The following KLHL1 variants were observed in gnomAD, a reference collection of about 807,000 sequenced individuals.
KLHL1 encodes the protein kelch like family member 1.
KLHL1 carries 47 observed loss-of-function variants against 77.7 expected under a neutral mutation model. That is an observed-to-expected ratio of 0.60 (90% CI 0.48 to 0.77). KLHL1 has a LOEUF of 0.77. KLHL1 is among the 30% of genes least tolerant of loss of function. KLHL1 has a pLI of 0.00. For missense variants in KLHL1, 925 were observed against 910.8 expected, an observed-to-expected ratio of 1.02 and a Z score of -0.20; for synonymous variants, 360 against 325.2, an observed-to-expected ratio of 1.11 and a Z score of -1.15.
chr13:69,950,350 C>T (rs1471229172), intron 3 of KLHL1, among the ~76,000 whole-genome samples: 1 of 133,280 alleles, frequency 7.5e-6, no homozygotes, highest in Non-Finnish European at 1.7e-5. Flanking sequence ...GAATTGTTTT[C>T]AGAGTAAAAG....
intron 1 of KLHL1, among the ~76,000 whole-genome samples, chr13:70,051,268 A>AAAAC (rs1886623183): frequency 2.6e-5 from 4 of 152,018 alleles, no homozygotes; most frequent in Admixed American, 2.6e-4. Context: ...TCCAATAACA[A>AAAAC]AAACCTCACA....
chr13:69,742,944 G>A (rs1045433306), intron 7 of KLHL1, among the ~76,000 whole-genome samples: 12 of 152,052 alleles, frequency 7.9e-5, no homozygotes, highest in African/African-American at 2.7e-4. Context: ...AGAAGTATAG[G>A]TAGATATTCA....
intron 7 of KLHL1, among the ~76,000 whole-genome samples, chr13:69,778,519 A>G (rs1314486327): frequency 1.3e-5 from 2 of 152,190 alleles, no homozygotes; most frequent in East Asian, 1.9e-4. Context: ...ATAGAAAATT[A>G]TCAAGACAGA....
intron 4 of KLHL1, among the ~76,000 whole-genome samples, chr13:69,939,372 T>TAC (rs1429939775): frequency 6.6e-5 from 6 of 90,666 alleles, no homozygotes; most frequent in African/African-American, 2.7e-4. Context: ...TATATATATA[T>TAC]ATATATACAC....
chr13:69,984,679 C>T (rs971511270), intron 1 of KLHL1, among the ~76,000 whole-genome samples: 1 of 152,146 alleles, frequency 6.6e-6, no homozygotes, highest in Non-Finnish European at 1.5e-5. Flanking sequence ...ATTTTCTTTT[C>T]TCTTTCTTTT....
intron 5 of KLHL1, among the ~76,000 whole-genome samples, chr13:69,879,054 G>A (rs1337244325): frequency 6.6e-6 from 1 of 152,042 alleles, no homozygotes; most frequent in Non-Finnish European, 1.5e-5. Context: ...TGAACAATGA[G>A]AACACTTGGA....
intron 4 of KLHL1, among the ~76,000 whole-genome samples, chr13:69,893,103 G>T (rs1881486491): frequency 6.6e-6 from 1 of 151,386 alleles, no homozygotes; most frequent in Non-Finnish European, 1.5e-5. Flanking sequence ...AAGAAATTCA[G>T]GAGGAAATTA....
At chr13:70,062,491 A>G (rs2137407001) in intron 1 of KLHL1, among the ~76,000 whole-genome samples, 1 of 152,312 alleles carries the variant, frequency 6.6e-6, no homozygotes, top group African/African-American at 2.4e-5. Flanking sequence ...TATTTAAATA[A>G]AACTTCAAAT....
At chr13:69,797,818 G>A (rs1361846948) in intron 6 of KLHL1, among the ~76,000 whole-genome samples, 8 of 134,138 alleles carry the variant, frequency 6.0e-5, no homozygotes, top group Admixed American at 5.9e-4. Flanking sequence ...GACAGAGCGA[G>A]ACTCCATCTA....
At chr13:70,051,156 T>C (rs539260180) in intron 1 of KLHL1, among the ~76,000 whole-genome samples, 76 of 152,120 alleles carry the variant, frequency 5.0e-4, no homozygotes, top group Middle Eastern at 3.4e-3. Context: ...TTAAGAAATG[T>C]TTTCACACAA....
At chr13:69,865,854 T>C (rs1880347955) in intron 5 of KLHL1, among the ~76,000 whole-genome samples, 1 of 152,140 alleles carries the variant, frequency 6.6e-6, no homozygotes, top group Non-Finnish European at 1.5e-5. Flanking sequence ...AAAATGGACA[T>C]TTACTATTTA....
At chr13:69,763,539 A>G (rs531811495) in intron 7 of KLHL1, among the ~76,000 whole-genome samples, 1 of 152,344 alleles carries the variant, frequency 6.6e-6, no homozygotes, top group African/African-American at 2.4e-5. Context: ...AGATGACAAA[A>G]ACTCAAATAA....
intron 7 of KLHL1, among the ~76,000 whole-genome samples, chr13:69,741,299 A>G (rs1036574220): frequency 3.9e-5 from 6 of 152,120 alleles, no homozygotes; most frequent in African/African-American, 1.4e-4. Context: ...TTTAAATATA[A>G]TGTAAATATT....
At chr13:69,757,133 A>G (rs180742900) in intron 7 of KLHL1, among the ~76,000 whole-genome samples, 1 of 152,220 alleles carries the variant, frequency 6.6e-6, no homozygotes. Flanking sequence ...TCTTTTAGAA[A>G]CCTACATTCA....
intron 9 of KLHL1, among the ~76,000 whole-genome samples, chr13:69,713,810 C>T (rs543517281): frequency 6.6e-6 from 1 of 152,100 alleles, no homozygotes; most frequent in African/African-American, 2.4e-5. Context: ...TGTTGGTACA[C>T]ATGGTATTTC....
At chr13:70,023,883 T>A (rs952666245) in intron 1 of KLHL1, among the ~76,000 whole-genome samples, 9 of 151,948 alleles carry the variant, frequency 5.9e-5, no homozygotes, top group Non-Finnish European at 1.2e-4. Flanking sequence ...TGTTGGGTTG[T>A]CCCCTCTTAG....
At chr13:69,793,286 A>T (rs1876950909) in intron 7 of KLHL1, among the ~76,000 whole-genome samples, 1 of 152,110 alleles carries the variant, frequency 6.6e-6, no homozygotes, top group South Asian at 2.1e-4. Context: ...TAAAATAAAA[A>T]TTTGTAGCAT....
chr13:70,001,246 TAAA>T (rs1885280193), intron 1 of KLHL1, among the ~76,000 whole-genome samples: 1 of 151,020 alleles, frequency 6.6e-6, no homozygotes, highest in Non-Finnish European at 1.5e-5. Flanking sequence ...TAATTAAAAA[TAAA>T]AATGTAGTCA....
At chr13:69,954,800 T>TAC (rs34668618) in intron 3 of KLHL1, among the ~76,000 whole-genome samples, 77,403 of 149,450 alleles carry the variant, frequency 0.52, 19,964 homozygotes, top group South Asian at 0.61. Context: ...CTAAATGTTT[T>TAC]ACACACACAC....
Sources: allele counts gnomAD v4.1 joint callset (sites outside exome capture counted in the v4.1 genomes callset), GRCh38; gene constraint gnomAD v4.1.1; transcripts MANE v1.5; gene names NCBI Gene and HGNC (gene_info 2026-07-23, HGNC 2026-07-21).